ITGA11: variants seen among roughly 807,000 people sequenced by gnomAD.
ITGA11 encodes the protein integrin subunit alpha 11.
ITGA11 carries 97 observed loss-of-function variants against 141.9 expected under a neutral mutation model. That is an observed-to-expected ratio of 0.68 (90% CI 0.58 to 0.81). The LOEUF (loss-of-function observed/expected upper bound fraction) is 0.81, where lower values mean the gene tolerates loss of function less well. Ranked by LOEUF, ITGA11 falls within the 30% of genes least tolerant of loss-of-function variation. The pLI, the probability that ITGA11 is intolerant of heterozygous loss-of-function variation, is 0.00. For missense variants in ITGA11, 1,387 were observed against 1,559.2 expected, an observed-to-expected ratio of 0.89 and a Z score of 1.86; for synonymous variants, 658 against 624.6, an observed-to-expected ratio of 1.05 and a Z score of -0.80.
chr15:68,426,922 G>A (rs1216824416), intron 1 of ITGA11, among the ~76,000 whole-genome samples: 1 of 144,464 alleles, frequency 6.9e-6, no homozygotes, highest in Non-Finnish European at 1.5e-5. Flanking sequence ...AGCTGAGGCA[G>A]AAGAATCACT....
chr15:68,321,560 C>A lies in ITGA11; in HGVS notation c.2323-57G>T. ...GGGTAGGGACCCGCAGCCCCTCGCC[C>A]TCAATGTACACCAGCTCTGTCTCCA... On this transcript the variant is annotated intron_variant, in intron 18 of 29. Coordinates refer to ENST00000315757, the MANE Select transcript of ITGA11 (RefSeq NM_001004439.2). The surrounding 1 kb of genome is among the most constrained non-coding windows in gnomAD (Gnocchi z 4.9). 1 of 1,150,200 alleles carries A rather than the reference C, an allele frequency of 8.7e-7. No individual in the cohort carries two copies. Among genetic ancestry groups the A allele is most frequent in the South Asian group, 1.5e-5 (1 of 67,286 alleles). 71.2% of individuals were successfully genotyped at this position (1,150,200 alleles called of 1,614,324 possible).
rs770818711 is a variant in ITGA11, at chr15:68,335,672, C to T, written c.1425+25G>A. The T allele has an allele frequency of 2.3e-5, 37 of 1,611,308 alleles. 1 individual carries two copies. Among genetic ancestry groups the T allele is most frequent in the African/African-American group, 1.2e-4 (9 of 74,896 alleles). On this transcript the variant is annotated intron_variant, in intron 12 of 29. Coordinates refer to ENST00000315757, the MANE Select transcript of ITGA11 (RefSeq NM_001004439.2). This position sits in a 1 kb window ranked among gnomAD's most constrained non-coding sequence, Gnocchi z 4.9. The stretch of plus-strand genomic sequence containing the variant: ...GATCTGCCCCCTCTTCCCTCCATCC[C>T]GGCCCCAGGCTCCCCCTCCATTACC...
At chr15:68,344,508 G>T (rs1305540000) in intron 10 of ITGA11, among the ~76,000 whole-genome samples, 2 of 152,138 alleles carry the variant, frequency 1.3e-5, no homozygotes, top group African/African-American at 4.8e-5. Context: ...CCTGTGGGAT[G>T]GGCACAGGCT....
chr15:68,369,826 C>G (rs995338035), intron 2 of ITGA11, among the ~76,000 whole-genome samples: 5 of 152,190 alleles, frequency 3.3e-5, no homozygotes, highest in Non-Finnish European at 5.9e-5. Flanking sequence ...GCAGCTGGGG[C>G]TCCTGCCTTG....
Position 68,326,808 on chromosome 15 carries a change from G to T in ITGA11, c.2069-12C>A. 1.3e-6 allele frequency: 2 copies of T among 1,571,224 alleles called. No homozygotes were observed. The highest frequency in any genetic ancestry group is 1.7e-6 in the Non-Finnish European group (2 of 1,157,364). On this transcript the variant is annotated splice_polypyrimidine_tract_variant and intron_variant, in intron 16 of 29. Transcript: ENST00000315757. This position sits in a 1 kb window ranked among gnomAD's most constrained non-coding sequence, Gnocchi z 6.8. ...GTTGTATCTGATGCCTGCAGGAGGG[G>T]AGAGGGCAAGACCACAAAGGTGGAG...
chr15:68,319,936 ATTTT>A (rs3837690), intron 20 of ITGA11, among the ~76,000 whole-genome samples: 5 of 148,610 alleles, frequency 3.4e-5, no homozygotes, highest in Non-Finnish European at 7.5e-5. Context: ...CTCTCCTGTG[ATTTT>A]TTTTTTTATT....
rs77840886 is a variant in ITGA11 at position 68,381,593 on chromosome 15, T to C, written c.165-12309A>G. Among the ~76,000 whole-genome samples, 567 of 152,148 alleles carry C rather than the reference T, an allele frequency of 3.7e-3. 23 individuals are homozygous for C. In the East Asian group the frequency reaches 0.092, roughly 25 times the overall value. ...TTTTTTGAGACAGAGTCTTGCTCTG[T>C]TGCCCAGGCTGAAGTGCAGTGGCAT... On this transcript the variant is annotated intron_variant, in intron 2 of 29. Coordinates refer to ENST00000315757, the MANE Select transcript of ITGA11 (RefSeq NM_001004439.2).
At chr15:68,410,418 A>C (rs749169924) in intron 1 of ITGA11, among the ~76,000 whole-genome samples, 17 of 152,198 alleles carry the variant, frequency 1.1e-4, no homozygotes, top group Non-Finnish European at 1.9e-4. Flanking sequence ...CTTGGGCCCC[A>C]AGAATCTTCA....
intron 2 of ITGA11, among the ~76,000 whole-genome samples, chr15:68,377,534 G>T (rs960386362): frequency 6.6e-6 from 1 of 152,150 alleles, no homozygotes; most frequent in Non-Finnish European, 1.5e-5. Context: ...AGCCTCCCAA[G>T]GTGCTGGGAT....
At chr15:68,390,722 A>T (rs982173093) in intron 2 of ITGA11, among the ~76,000 whole-genome samples, 3 of 152,214 alleles carry the variant, frequency 2.0e-5, no homozygotes, top group Non-Finnish European at 2.9e-5. Flanking sequence ...TTTACTGATT[A>T]CAAAATATAA....
At chr15:68,359,302 C>T (rs1895169433) in intron 5 of ITGA11, among the ~76,000 whole-genome samples, 1 of 152,136 alleles carries the variant, frequency 6.6e-6, no homozygotes, top group African/African-American at 2.4e-5. Flanking sequence ...GCTCTCGTGC[C>T]ATTATCTCTG....
intron 1 of ITGA11, 106 bp from the exon 2 acceptor site, chr15:68,403,135 C>T: frequency 1.4e-6 from 1 of 724,386 alleles, no homozygotes; most frequent in Non-Finnish European, 2.4e-6. Flanking sequence ...CTTGGAGGGT[C>T]TTGGCTGTGG....
At chr15:68,404,002 G>T (rs747332143) in intron 1 of ITGA11, among the ~76,000 whole-genome samples, 1 of 152,158 alleles carries the variant, frequency 6.6e-6, no homozygotes, top group South Asian at 2.1e-4. Context: ...CCTTCCCCCA[G>T]GGAACTCCCG....
intron 1 of ITGA11, among the ~76,000 whole-genome samples, chr15:68,404,921 G>A (rs532780464): frequency 1.3e-5 from 2 of 152,196 alleles, no homozygotes; most frequent in African/African-American, 2.4e-5. Context: ...GTTATCATTC[G>A]ATCTCCATGA....
chr15:68,424,771 G>A (rs1193388445), intron 1 of ITGA11, among the ~76,000 whole-genome samples: 1 of 152,254 alleles, frequency 6.6e-6, no homozygotes, highest in Non-Finnish European at 1.5e-5. Context: ...TTAAGTCCCA[G>A]CTTCTCAAGT....
At position 68,301,787 on chromosome 15, in the gene ITGA11, T is replaced by C. The variant is rs547645478; in HGVS notation, c.*1272A>G. Reference sequence around the variant, plus strand: ...TGCACAGGGGGACTGATGCCTTTCATGTGTCCCCCTTGCATTTCTACCTCA... The same window carrying C: ...TGCACAGGGGGACTGATGCCTTTCACGTGTCCCCCTTGCATTTCTACCTCA... On this transcript the variant is annotated 3_prime_UTR_variant, in exon 30 of 30. Coordinates refer to ENST00000315757, the MANE Select transcript of ITGA11 (RefSeq NM_001004439.2). The surrounding 1 kb of genome is among the most constrained non-coding windows in gnomAD (Gnocchi z 4.4). 1 of 152,774 alleles carries C rather than the reference T, an allele frequency of 6.5e-6. No individual in the cohort carries two copies. The highest frequency in any genetic ancestry group is 1.9e-4 in the East Asian group (1 of 5,184). 9.5% of individuals were successfully genotyped at this position (152,774 alleles called of 1,614,324 possible). A position where few individuals can be genotyped will look rare whatever the true frequency, so the allele number is the denominator to read the frequency against.
At chr15:68,313,585 T>A (rs925857831) in intron 23 of ITGA11, among the ~76,000 whole-genome samples, 194 bp downstream of exon 23, 3 of 152,090 alleles carry the variant, frequency 2.0e-5, no homozygotes, top group African/African-American at 7.2e-5. Flanking sequence ...TTCCTCTAAT[T>A]TGATATCCCC....
rs758800892 is a variant in ITGA11, at chr15:68,313,902, G to A, written c.2793-34C>T. On this transcript the variant is annotated intron_variant, in intron 22 of 29. Coordinates refer to ENST00000315757, the MANE Select transcript of ITGA11 (RefSeq NM_001004439.2). ...AGAGCCAGGCGGCAAGGTCAGGAAG[G>A]GGCTCAGCCAGCACAGGCAGCGGGA... The A allele has an allele frequency of 5.1e-6, 8 of 1,564,154 alleles. No homozygotes were observed. The East Asian group carries it at 1.8e-4, about 35-fold the overall frequency.
chr15:68,364,793 C>A lies in ITGA11; in HGVS notation c.271G>T (p.Val91Phe). Residue 91 changes from valine to phenylalanine, a missense_variant, in exon 4 of 30, where the codon GTC (valine) becomes TTC (phenylalanine). Transcript: ENST00000315757. Reference protein sequence around the residue: ...GNCTKLNLGRVTLSNVSERKD... With the variant: ...GNCTKLNLGRFTLSNVSERKD... ...CGCTCGGACACGTTGGACAGGGTGA[C>A]CCTTCCTGGGGTTGGGGGAGAAGTT... is the stretch of plus-strand genomic sequence containing the variant. 15 of 1,613,794 alleles carry A rather than the reference C, an allele frequency of 9.3e-6. No individual in the cohort carries two copies. The highest frequency in any genetic ancestry group is 1.3e-5 in the Non-Finnish European group (15 of 1,179,828).
Sources: gnomAD v4.1 joint callset for allele counts (sites outside exome capture counted in the v4.1 genomes callset) on GRCh38, gnomAD v4.1.1 for gene constraint, Gnocchi (gnomAD v3.1) non-coding constraint, MANE v1.5 for transcripts, NCBI Gene and HGNC (gene_info 2026-07-23, HGNC 2026-07-21) for gene names.